Variants in SEMA5A observed in about 807,000 individuals in gnomAD.
SEMA5A encodes the protein semaphorin 5A, also known as semaphorin-5A.
In SEMA5A, 55 loss-of-function variants were observed where a neutral mutation model predicts 135.5. The ratio of observed to expected loss-of-function variants is 0.41; its 90% CI spans 0.33 to 0.51. The LOEUF is 0.51. SEMA5A is among the 20% of genes least tolerant of loss of function. The pLI, the probability that SEMA5A is intolerant of heterozygous loss-of-function variation, is 0.37. For missense variants in SEMA5A, 1,290 were observed against 1,419.9 expected (o/e 0.91, Z 1.47); for synonymous variants, 580 against 546.5 (o/e 1.06, Z -0.85).
intron 15 of SEMA5A, among the ~76,000 whole-genome samples, chr5:9,113,169 C>G (rs1560928471): frequency 6.6e-6 from 1 of 152,162 alleles, no homozygotes. Flanking sequence ...CAAATAAACA[C>G]CTGGTGCTTT....
intron 18 of SEMA5A, among the ~76,000 whole-genome samples, chr5:9,057,895 G>A (rs1002124893): frequency 3.3e-5 from 5 of 152,180 alleles, no homozygotes; most frequent in Non-Finnish European, 7.3e-5. Context: ...CATAATGTAG[G>A]ATATTGATTA....
chr5:9,312,523 T>C (rs1004355643), intron 5 of SEMA5A, among the ~76,000 whole-genome samples: 2 of 152,288 alleles, frequency 1.3e-5, no homozygotes, highest in South Asian at 2.1e-4. Context: ...TGTTAAGGCA[T>C]ACCTGTCTGA....
intron 16 of SEMA5A, among the ~76,000 whole-genome samples, chr5:9,097,058 T>C (rs1335888515): frequency 6.6e-6 from 1 of 152,144 alleles, no homozygotes; most frequent in East Asian, 1.9e-4. Flanking sequence ...ATGCTGTATA[T>C]CTTAAATATA....
chr5:9,455,825 A>G (rs951329554), intron 1 of SEMA5A, among the ~76,000 whole-genome samples: 1 of 152,240 alleles, frequency 6.6e-6, no homozygotes, highest in Non-Finnish European at 1.5e-5. Flanking sequence ...TGGTGACAAC[A>G]TGAAAGGAAG....
intron 5 of SEMA5A, among the ~76,000 whole-genome samples, chr5:9,311,691 T>C (rs1446098742): frequency 6.6e-6 from 1 of 151,980 alleles, no homozygotes; most frequent in Non-Finnish European, 1.5e-5. Flanking sequence ...CATGTATACA[T>C]ATGTAACAAA....
At chr5:9,412,499 T>C (rs1480442977) in intron 2 of SEMA5A, among the ~76,000 whole-genome samples, 2 of 151,484 alleles carry the variant, frequency 1.3e-5, no homozygotes, top group Non-Finnish European at 2.9e-5. Context: ...GCTTTTTTTT[T>C]TTTTTTTTCA....
intron 5 of SEMA5A, among the ~76,000 whole-genome samples, chr5:9,302,734 T>C (rs1751670772): frequency 6.6e-6 from 1 of 152,022 alleles, no homozygotes; most frequent in Non-Finnish European, 1.5e-5. Context: ...GCTAGCAGAG[T>C]AGGGAACTCT....
intron 13 of SEMA5A, among the ~76,000 whole-genome samples, chr5:9,126,985 G>T (rs1579442440): frequency 6.6e-6 from 1 of 152,258 alleles, no homozygotes; most frequent in South Asian, 2.1e-4. Flanking sequence ...CTTCAGCAAA[G>T]GTCAAGCCCT....
intron 1 of SEMA5A, among the ~76,000 whole-genome samples, chr5:9,543,640 T>C (rs1738215212): frequency 1.3e-5 from 2 of 152,170 alleles, no homozygotes; most frequent in South Asian, 4.1e-4. Context: ...ACATATTGGC[T>C]AAAAGCACAT....
intron 2 of SEMA5A, among the ~76,000 whole-genome samples, chr5:9,409,047 A>T (rs1160233328): frequency 1.3e-5 from 2 of 152,214 alleles, no homozygotes; most frequent in Admixed American, 1.3e-4. Context: ...GAGAAAGGGT[A>T]GTCGTTTACC....
intron 16 of SEMA5A, among the ~76,000 whole-genome samples, chr5:9,105,515 T>C (rs1553985346): frequency 6.6e-6 from 1 of 152,234 alleles, no homozygotes; most frequent in Non-Finnish European, 1.5e-5. Context: ...TTTCATTAGC[T>C]GACTCCCATT....
In SEMA5A at chr5:9,188,116, T is replaced by C. The variant is rs79394450; in HGVS notation, c.1273+2151A>G. Among the ~76,000 whole-genome samples, 1,187 of 152,246 alleles carry C rather than the reference T, an allele frequency of 7.8e-3. 16 individuals are homozygous for C. Among genetic ancestry groups the C allele is most frequent in the African/African-American group, 0.027 (1,101 of 41,540 alleles). On this transcript the variant is annotated intron_variant, in intron 11 of 22. Coordinates refer to ENST00000382496, the MANE Select transcript of SEMA5A (RefSeq NM_003966.3). ...AGGGAGGTGATTAGGTCATTAGGAT[T>C]GGAGCCCTTAGGAACGGTATGAGTG... is the stretch of plus-strand genomic sequence containing the variant.
At position 9,130,193 on chromosome 5, in the gene SEMA5A, G is replaced by A. The variant is rs543155423; in HGVS notation, c.1599+6311C>T. 5.4e-4 allele frequency among the ~76,000 whole-genome samples: 82 copies of A among 152,230 alleles called. 1 individual carries two copies. Among genetic ancestry groups the A allele is most frequent in the African/African-American group, 1.9e-3 (80 of 41,540 alleles). On this transcript the variant is annotated intron_variant, in intron 13 of 22. Coordinates refer to ENST00000382496, the MANE Select transcript of SEMA5A (RefSeq NM_003966.3). Reference sequence around the variant, plus strand: ...CTGACCAAGGATGTAGATGCATTTGGTGAGTGCAGAGGTCCCTGGAGTTCA... The same window carrying A: ...CTGACCAAGGATGTAGATGCATTTGATGAGTGCAGAGGTCCCTGGAGTTCA...
chr5:9,249,138 A>G (rs757645574), intron 5 of SEMA5A, among the ~76,000 whole-genome samples: 27 of 152,208 alleles, frequency 1.8e-4, no homozygotes, highest in Non-Finnish European at 3.2e-4. Flanking sequence ...TGCCTTTGTC[A>G]TGGGATTATT....
chr5:9,125,521 A>G (rs1472148233), intron 13 of SEMA5A, among the ~76,000 whole-genome samples: 4 of 152,026 alleles, frequency 2.6e-5, no homozygotes, highest in African/African-American at 4.8e-5. Context: ...ACAGGTCCCA[A>G]TGTGTGATGT....
intron 13 of SEMA5A, among the ~76,000 whole-genome samples, chr5:9,133,784 CTTTT>C (rs35633508): frequency 7.0e-6 from 1 of 142,844 alleles, no homozygotes; most frequent in African/African-American, 2.6e-5. Flanking sequence ...TTCTTTCTTT[CTTTT>C]TTTTTTTTTT....
chr5:9,333,290 C>G (rs905466447), intron 4 of SEMA5A, among the ~76,000 whole-genome samples: 2 of 152,200 alleles, frequency 1.3e-5, no homozygotes, highest in Non-Finnish European at 2.9e-5. Context: ...ATAATAAACT[C>G]TTTTTCATTA....
intron 16 of SEMA5A, among the ~76,000 whole-genome samples, chr5:9,100,623 T>C (rs1181607033): frequency 6.6e-6 from 1 of 152,178 alleles, no homozygotes; most frequent in Non-Finnish European, 1.5e-5. Flanking sequence ...CACCTGCTGC[T>C]GTCGACATAT....
At chr5:9,209,384 T>C (rs1185794031) in intron 8 of SEMA5A, among the ~76,000 whole-genome samples, 1 of 152,258 alleles carries the variant, frequency 6.6e-6, no homozygotes, top group East Asian at 1.9e-4. Flanking sequence ...ATTCGCCATG[T>C]TCATTTTTCT....
Sources: gnomAD v4.1 joint callset for allele counts (sites outside exome capture counted in the v4.1 genomes callset) on GRCh38, gnomAD v4.1.1 for gene constraint, MANE v1.5 for transcripts, NCBI Gene and HGNC (gene_info 2026-07-23, HGNC 2026-07-21) for gene names.